The following PPP2R3A variants were observed in gnomAD, a reference collection of about 807,000 sequenced individuals.
The protein encoded by PPP2R3A is protein phosphatase 2 regulatory subunit B''alpha.
In PPP2R3A, 80 loss-of-function variants were observed where a neutral mutation model predicts 106.9. The ratio of observed to expected loss-of-function variants is 0.75; its 90% confidence interval spans 0.62 to 0.90. The LOEUF is 0.90. Among genes scored for constraint, PPP2R3A ranks in the 40% least tolerant of loss-of-function variants. PPP2R3A has a pLI of 0.00. For synonymous variants in PPP2R3A, 483 were observed against 468.3 expected, an observed-to-expected ratio of 1.03 and a Z score of -0.41; for missense variants, 1,386 against 1,350.4, an observed-to-expected ratio of 1.03 and a Z score of -0.41.
intron 1 of PPP2R3A, among the ~76,000 whole-genome samples, chr3:135,976,502 T>C (rs1198952812): frequency 6.6e-6 from 1 of 152,244 alleles, no homozygotes; most frequent in African/African-American, 2.4e-5. Context: ...ATATTGCATT[T>C]TTCTAGAATA....
chr3:136,053,238 T>C (rs1935741860), intron 5 of PPP2R3A, among the ~76,000 whole-genome samples: 1 of 152,154 alleles, frequency 6.6e-6, no homozygotes, highest in Admixed American at 6.5e-5. Context: ...CCCTGTGACA[T>C]GAGTTTACCC....
intron 13 of PPP2R3A, among the ~76,000 whole-genome samples, chr3:136,134,139 A>C (rs1425506038): frequency 6.6e-6 from 1 of 152,220 alleles, no homozygotes; most frequent in Non-Finnish European, 1.5e-5. Context: ...ATGGGAAGAC[A>C]GACAGATGCA....
At chr3:136,022,936 A>G (rs576015435) in intron 2 of PPP2R3A, 76 of 1,489,270 alleles carry the variant, frequency 5.1e-5, no homozygotes, top group Non-Finnish European at 5.5e-5. Flanking sequence ...GGAGAGCACA[A>G]TGCTTGAATT....
At chr3:136,048,049 C>T (rs1935534881) in intron 4 of PPP2R3A, among the ~76,000 whole-genome samples, 1 of 152,058 alleles carries the variant, frequency 6.6e-6, no homozygotes, top group African/African-American at 2.4e-5. Flanking sequence ...ACCTCTACAT[C>T]ACTGAGTATA....
At chr3:136,120,086 C>G (rs954467370) in intron 13 of PPP2R3A, among the ~76,000 whole-genome samples, 2 of 147,836 alleles carry the variant, frequency 1.4e-5, no homozygotes, top group African/African-American at 5.0e-5. Flanking sequence ...CCATCATTCT[C>G]AGCAAACTAA....
Position 136,078,469 on chromosome 3 carries a change from G to A in PPP2R3A, c.2631+16G>A, listed in dbSNP as rs561034524. 2 of 1,469,362 alleles carry A rather than the reference G, an allele frequency of 1.4e-6. No individual in the cohort carries two copies. Among genetic ancestry groups the A allele is most frequent in the South Asian group, 2.3e-5 (2 of 85,300 alleles). The allele number at this position is 1,469,362 out of a possible 1,614,324, so 91.0% of individuals were successfully genotyped here. On this transcript the variant is annotated intron_variant, in intron 7 of 13. Transcript: ENST00000264977. ...CTTTTTGCAAGTATGCCTTTCATTA[G>A]AATTCATGTGTAATGAGCAATTTAG...
intron 1 of PPP2R3A, among the ~76,000 whole-genome samples, chr3:135,985,259 G>A (rs1937591954): frequency 6.6e-6 from 1 of 151,900 alleles, no homozygotes; most frequent in Non-Finnish European, 1.5e-5. Context: ...AGAAGGGTCA[G>A]CATAGCAGCA....
chr3:136,126,624 T>G (rs2108009365), intron 13 of PPP2R3A, among the ~76,000 whole-genome samples: 1 of 152,338 alleles, frequency 6.6e-6, no homozygotes, highest in Admixed American at 6.5e-5. Flanking sequence ...CTGACAGCTC[T>G]GAAGAGAGCA....
intron 4 of PPP2R3A, among the ~76,000 whole-genome samples, chr3:136,044,148 G>A (rs115209662): frequency 2.0e-5 from 3 of 152,218 alleles, no homozygotes; most frequent in African/African-American, 7.2e-5. Context: ...CATCTATTGC[G>A]TGAATCTTTT....
intron 7 of PPP2R3A, among the ~76,000 whole-genome samples, chr3:136,080,684 G>A (rs1054205310): frequency 3.3e-5 from 5 of 152,116 alleles, no homozygotes; most frequent in African/African-American, 9.7e-5. Context: ...ATTTTTGTCT[G>A]TATTCATCTA....
At position 135,977,618 on chromosome 3, in the gene PPP2R3A, T is replaced by G. The variant is rs1252164881; in HGVS notation, c.-441+11769T>G. Among the ~76,000 whole-genome samples, 67 of 151,014 alleles carry G rather than the reference T, an allele frequency of 4.4e-4. 1 individual carries two copies. The highest frequency in any genetic ancestry group is 4.4e-3 in the Admixed American group (66 of 15,150). ...AATATAAGTTAAAGAGCATAAAAAA[T>G]ATAATTGTGCTAAATTATTTTAAGA... On this transcript the variant is annotated intron_variant, in intron 1 of 13. Coordinates refer to ENST00000264977, the MANE Select transcript of PPP2R3A (RefSeq NM_002718.5).
intron 4 of PPP2R3A, among the ~76,000 whole-genome samples, chr3:136,041,206 T>C (rs578201598): frequency 6.6e-6 from 1 of 151,334 alleles, no homozygotes; most frequent in East Asian, 1.9e-4. Context: ...AAAAACTATT[T>C]GATAGTTTAT....
chr3:136,062,503 C>A (rs1418164018), intron 5 of PPP2R3A, among the ~76,000 whole-genome samples: 2 of 152,030 alleles, frequency 1.3e-5, no homozygotes, highest in Non-Finnish European at 2.9e-5. Context: ...GTGTGCAGAT[C>A]ATGAGGAGAT....
In PPP2R3A at chr3:136,027,185, C is replaced by A. The variant is rs760170771; in HGVS notation, c.2262+87C>A. ...TTCTCTAGAAACCCGGATCCCACCC[C>A]CCTTCACTGCCTCTTTGCTCTGTTT... is the stretch of plus-strand genomic sequence containing the variant. On this transcript the variant is annotated intron_variant, in intron 3 of 13. Transcript: ENST00000264977. 81 of 1,180,308 alleles carry A rather than the reference C, an allele frequency of 6.9e-5. 1 individual carries two copies. The highest frequency in any genetic ancestry group is 5.8e-4 in the Middle Eastern group (2 of 3,454). The allele number at this position is 1,180,308 out of a possible 1,614,324, so 73.1% of individuals were successfully genotyped here. A position where few individuals can be genotyped will look rare whatever the true frequency, so the allele number is the denominator to read the frequency against.
intron 2 of PPP2R3A, among the ~76,000 whole-genome samples, chr3:136,025,775 A>T (rs561228048): frequency 1.6e-4 from 25 of 152,114 alleles, no homozygotes; most frequent in Admixed American, 1.6e-3. Context: ...GCTAGTCAAC[A>T]GTTGTGTTCA....
At chr3:136,003,624 C>G (rs765507673) in intron 2 of PPP2R3A, 131 bp downstream of exon 2, 1 of 720,262 alleles carries the variant, frequency 1.4e-6, no homozygotes, top group Non-Finnish European at 2.2e-6. Context: ...TAGGAATGAT[C>G]TCACTCAGCT....
chr3:136,027,316 A>T, intron 3 of PPP2R3A, among the ~76,000 whole-genome samples: 1 of 152,146 alleles, frequency 6.6e-6, no homozygotes, highest in East Asian at 1.9e-4. Flanking sequence ...TCATAAATTC[A>T]TTCTCTGCTT....
At chr3:135,976,743 TACTTA>T (rs1407487017) in intron 1 of PPP2R3A, among the ~76,000 whole-genome samples, 1 of 152,202 alleles carries the variant, frequency 6.6e-6, no homozygotes, top group Non-Finnish European at 1.5e-5. Context: ...CGTTTGATTT[TACTTA>T]ACTTTAATAC....
At chr3:135,983,585 G>C (rs1401612282) in intron 1 of PPP2R3A, among the ~76,000 whole-genome samples, 1 of 152,116 alleles carries the variant, frequency 6.6e-6, no homozygotes, top group East Asian at 1.9e-4. Flanking sequence ...TTACTCTTCT[G>C]TTAAGTTTCT....
Sources: gnomAD v4.1 joint callset for allele counts (sites outside exome capture counted in the v4.1 genomes callset) on GRCh38, gnomAD v4.1.1 for gene constraint, MANE v1.5 for transcripts, NCBI Gene and HGNC (gene_info 2026-07-23, HGNC 2026-07-21) for gene names.